Variants in C12orf42 observed in about 807,000 individuals in gnomAD.
The protein encoded by C12orf42 is chromosome 12 open reading frame 42.
C12orf42 carries 25 observed loss-of-function variants against 21.6 expected under a neutral mutation model. That is an observed-to-expected ratio of 1.16 (90% CI 0.84 to 1.62). The LOEUF is 1.62. Among genes scored for constraint, C12orf42 ranks in the 40% most tolerant of loss-of-function variants. The probability of loss-of-function intolerance (pLI) is 0.00; values close to 1 mark genes in which losing one functional copy is unlikely to be tolerated. For missense variants in C12orf42, 483 were observed against 459.3 expected (o/e 1.05, Z -0.47); for synonymous variants, 174 against 175.0 (o/e 0.99, Z 0.05).
At chr12:103,537,110 G>A in the C12orf42 span, among the ~76,000 whole-genome samples, 1 of 152,050 alleles carries the variant, frequency 6.6e-6, no homozygotes, top group African/African-American at 2.4e-5. Context: ...ATGAATGAAT[G>A]AATCTGAAGG....
chr12:103,100,045 A>G, the C12orf42 span, among the ~76,000 whole-genome samples: 1 of 152,172 alleles, frequency 6.6e-6, no homozygotes, highest in Admixed American at 6.5e-5. Context: ...CTCAAAGTGC[A>G]TTTTTAGTCT....
intron 2 of C12orf42, among the ~76,000 whole-genome samples, chr12:103,474,980 CA>C (rs1295515664): frequency 6.6e-6 from 1 of 152,136 alleles, no homozygotes; most frequent in Non-Finnish European, 1.5e-5. Flanking sequence ...TAACATAAGT[CA>C]AAGGATTCTC....
intron 2 of C12orf42, among the ~76,000 whole-genome samples, chr12:103,448,863 C>T (rs2137438858): frequency 6.6e-6 from 1 of 151,908 alleles, no homozygotes; most frequent in South Asian, 2.1e-4. Context: ...AATAGTACAA[C>T]CACAGTATAC....
chr12:103,073,026 C>T, the C12orf42 span, among the ~76,000 whole-genome samples: 1 of 152,188 alleles, frequency 6.6e-6, no homozygotes, highest in South Asian at 2.1e-4. Context: ...ATGTCCTTTG[C>T]CAGGACATGG....
At chr12:103,051,385 T>C in the C12orf42 span, among the ~76,000 whole-genome samples, 1 of 152,144 alleles carries the variant, frequency 6.6e-6, no homozygotes, top group Non-Finnish European at 1.5e-5. Flanking sequence ...ATTTCTTTTT[T>C]TTGCTGTTTA....
chr12:103,244,830 G>A (rs1318231473), intron 10 of C12orf42, among the ~76,000 whole-genome samples: 2 of 151,880 alleles, frequency 1.3e-5, no homozygotes. Context: ...GTGTGCCATG[G>A]ACACACCATG....
intron 4 of C12orf42, among the ~76,000 whole-genome samples, chr12:103,351,907 C>T (rs2043129270): frequency 6.6e-6 from 1 of 151,944 alleles, no homozygotes; most frequent in Admixed American, 6.6e-5. Context: ...TTAACTTTTG[C>T]TCATTTTCTC....
chr12:103,123,036 T>A, the C12orf42 span, among the ~76,000 whole-genome samples: 2 of 152,158 alleles, frequency 1.3e-5, no homozygotes, highest in Non-Finnish European at 2.9e-5. Context: ...AGTGAAGTCA[T>A]GAGAAGTGGC....
At chr12:103,395,572 C>T (rs868210186) in intron 3 of C12orf42, among the ~76,000 whole-genome samples, 1 of 152,176 alleles carries the variant, frequency 6.6e-6, no homozygotes, top group East Asian at 1.9e-4. Context: ...CCTGACCGAG[C>T]GATCTGCCCG....
At chr12:103,205,696 T>C in the C12orf42 span, among the ~76,000 whole-genome samples, 9 of 152,070 alleles carry the variant, frequency 5.9e-5, no homozygotes, top group African/African-American at 2.2e-4. Flanking sequence ...CAGAATTATG[T>C]ATACAGCCAA....
chr12:103,483,741 C>T (rs561801995), intron 1 of C12orf42, among the ~76,000 whole-genome samples: 22 of 151,852 alleles, frequency 1.4e-4, no homozygotes, highest in Non-Finnish European at 2.6e-4. Context: ...TATACATGTG[C>T]CATGTTGGTT....
intron 2 of C12orf42, among the ~76,000 whole-genome samples, chr12:103,465,253 C>T (rs533717274): frequency 4.5e-4 from 68 of 152,140 alleles, no homozygotes; most frequent in African/African-American, 9.6e-4. Flanking sequence ...TTTTTCCATA[C>T]GTTTGTATCC....
At chr12:103,412,499 TC>T (rs559191197) in intron 2 of C12orf42, among the ~76,000 whole-genome samples, 4 of 152,110 alleles carry the variant, frequency 2.6e-5, no homozygotes, top group Non-Finnish European at 5.9e-5. Flanking sequence ...CAAAACCCTG[TC>T]CCTACTAAAA....
chr12:103,228,452 A>G, the C12orf42 span, among the ~76,000 whole-genome samples: 3,150 of 152,150 alleles, frequency 0.021, 159 homozygotes, highest in East Asian at 0.17. Context: ...GGGGCAGGGC[A>G]TATTCACTTC....
At chr12:103,346,024 C>G (rs1191755063) in intron 4 of C12orf42, among the ~76,000 whole-genome samples, 1 of 152,166 alleles carries the variant, frequency 6.6e-6, no homozygotes, top group East Asian at 1.9e-4. Flanking sequence ...ATTGACCATA[C>G]TTCCTGAAAT....
At position 103,368,375 on chromosome 12, in the gene C12orf42, A is replaced by G. The variant is rs12423757; in HGVS notation, c.259+512T>C. Among the ~76,000 whole-genome samples the G allele has an allele frequency of 0.013, 1,956 of 151,498 alleles. 128 individuals carry two copies. The East Asian group carries it at 0.22, about 17-fold the overall frequency. ...TTGTGTAATTTAAGTGCAGCTGTCA[A>G]TCAAGTGGCCTACCTCCCCTGCCAC... On this transcript the variant is annotated intron_variant, in intron 4 of 5. Coordinates refer to ENST00000548883, the MANE Select transcript of C12orf42 (RefSeq NM_198521.5).
chr12:103,372,979 C>A (rs1334392581), intron 3 of C12orf42, among the ~76,000 whole-genome samples: 1 of 152,148 alleles, frequency 6.6e-6, no homozygotes, highest in East Asian at 1.9e-4. Context: ...TGAAGACAAA[C>A]ACAGTCCATA....
At chr12:103,158,699 T>G in the C12orf42 span, among the ~76,000 whole-genome samples, 3 of 151,928 alleles carry the variant, frequency 2.0e-5, no homozygotes, top group Admixed American at 2.0e-4. Context: ...GCCAACATGG[T>G]GAAACCCCGT....
the C12orf42 span, among the ~76,000 whole-genome samples, chr12:103,050,499 T>G: frequency 2.6e-5 from 4 of 152,120 alleles, no homozygotes; most frequent in Admixed American, 2.0e-4. Flanking sequence ...GACCAAGTAA[T>G]TATAATCATG....
Sources: gnomAD v4.1 joint callset for allele counts (sites outside exome capture counted in the v4.1 genomes callset) on GRCh38, gnomAD v4.1.1 for gene constraint, MANE v1.5 for transcripts, NCBI Gene and HGNC (gene_info 2026-07-23, HGNC 2026-07-21) for gene names.